Variants in NAALADL2 observed in about 807,000 individuals in gnomAD.
NAALADL2 encodes the protein inactive N-acetylated-alpha-linked acidic dipeptidase-like protein 2.
In NAALADL2, 76 loss-of-function variants were observed where a neutral mutation model predicts 87.2. The ratio of observed to expected loss-of-function variants is 0.87; its 90% CI spans 0.72 to 1.05. The LOEUF is 1.05. NAALADL2 is among the 50% of genes least tolerant of loss of function. NAALADL2 has a pLI of 0.00. For missense variants in NAALADL2, 1,089 were observed against 945.8 expected, an observed-to-expected ratio of 1.15 and a Z score of -1.99; for synonymous variants, 354 against 331.0, an observed-to-expected ratio of 1.07 and a Z score of -0.75.
At chr3:174,786,564 C>T (rs375264538) in intron 3 of NAALADL2, among the ~76,000 whole-genome samples, 35 of 151,738 alleles carry the variant, frequency 2.3e-4, no homozygotes, top group African/African-American at 8.2e-4. Context: ...ATTTCTTTTC[C>T]AGACCCTCCA....
At chr3:175,781,225 A>G (rs548372620) in intron 13 of NAALADL2, among the ~76,000 whole-genome samples, 1 of 152,304 alleles carries the variant, frequency 6.6e-6, no homozygotes, top group African/African-American at 2.4e-5. Flanking sequence ...ATTATTTTTA[A>G]TGGGATTTTG....
intron 2 of NAALADL2, among the ~76,000 whole-genome samples, chr3:175,121,055 T>A (rs754656526): frequency 4.0e-5 from 6 of 151,830 alleles, no homozygotes; most frequent in Non-Finnish European, 5.9e-5. Context: ...TATCCTACAT[T>A]CTTGTCAAAT....
intron 1 of NAALADL2, among the ~76,000 whole-genome samples, chr3:175,012,231 C>A (rs1014622619): frequency 6.6e-6 from 1 of 152,164 alleles, no homozygotes; most frequent in Admixed American, 6.6e-5. Flanking sequence ...ATGGCCCAGT[C>A]TGGGCTCACT....
chr3:175,539,429 CT>C (rs1711897108), intron 9 of NAALADL2, among the ~76,000 whole-genome samples: 1 of 152,104 alleles, frequency 6.6e-6, no homozygotes, highest in Admixed American at 6.5e-5. Flanking sequence ...GCTAAGAAAA[CT>C]GGTATTGTAC....
chr3:174,695,798 A>C (rs545921366), intron 2 of NAALADL2, among the ~76,000 whole-genome samples: 2 of 152,154 alleles, frequency 1.3e-5, no homozygotes, highest in South Asian at 4.1e-4. Flanking sequence ...ATTTGCAATA[A>C]AATTTCAGGT....
At chr3:175,300,761 T>C (rs1042771444) in intron 4 of NAALADL2, among the ~76,000 whole-genome samples, 1 of 142,334 alleles carries the variant, frequency 7.0e-6, no homozygotes, top group African/African-American at 2.7e-5. Flanking sequence ...TTATTTTTAT[T>C]TATTTATTTA....
chr3:174,672,414 G>A (rs1345662570), intron 2 of NAALADL2, among the ~76,000 whole-genome samples: 4 of 151,810 alleles, frequency 2.6e-5, no homozygotes, highest in Admixed American at 6.6e-5. Context: ...CCTATTATGG[G>A]GTCAGGCTCT....
chr3:175,395,542 G>T (rs1004570043), intron 5 of NAALADL2, among the ~76,000 whole-genome samples: 1 of 152,040 alleles, frequency 6.6e-6, no homozygotes, highest in Non-Finnish European at 1.5e-5. Context: ...ATTCCTTTAG[G>T]AATTCCAAGA....
intron 11 of NAALADL2, among the ~76,000 whole-genome samples, chr3:175,670,897 G>A (rs1363680522): frequency 6.6e-6 from 1 of 151,340 alleles, no homozygotes; most frequent in Non-Finnish European, 1.5e-5. Context: ...GTCTACTGGA[G>A]AAGTTTAATT....
chr3:175,270,820 C>T (rs1053427941), intron 4 of NAALADL2, among the ~76,000 whole-genome samples: 4 of 152,066 alleles, frequency 2.6e-5, no homozygotes. Flanking sequence ...TAAACCTCTT[C>T]CAGTATAGTA....
intron 4 of NAALADL2, among the ~76,000 whole-genome samples, chr3:175,272,288 T>C (rs999907295): frequency 6.6e-6 from 1 of 152,228 alleles, no homozygotes; most frequent in Non-Finnish European, 1.5e-5. Flanking sequence ...CAAGCATCTT[T>C]ATTTAAAAGA....
intron 5 of NAALADL2, among the ~76,000 whole-genome samples, chr3:175,375,572 T>C (rs6793407): frequency 9.2e-5 from 14 of 152,310 alleles, no homozygotes; most frequent in African/African-American, 2.9e-4. Context: ...AGTTTAAATC[T>C]CTATTAGTAT....
At chr3:175,045,816 A>G (rs975575372) in intron 1 of NAALADL2, among the ~76,000 whole-genome samples, 3 of 152,158 alleles carry the variant, frequency 2.0e-5, no homozygotes, top group Non-Finnish European at 4.4e-5. Flanking sequence ...CACTATGTGT[A>G]TCTTCTAAGG....
At chr3:174,675,049 A>G (rs560496) in intron 2 of NAALADL2, among the ~76,000 whole-genome samples, 110,053 of 151,902 alleles carry the variant, frequency 0.72, 40,092 homozygotes, top group African/African-American at 0.77. Flanking sequence ...GGTCTAACCT[A>G]ACCTTTTCTT....
rs1208423261 is a variant in NAALADL2 at position 174,893,089 on chromosome 3, A to G, written c.43+33639A>G. ...AACAATAACTTAAAGTGGACCTCCA[A>G]TATGTCTGGCAGCAGACTCTTCAGT... On this transcript the variant is annotated intron_variant, in intron 1 of 13. Transcript: ENST00000454872. Among the ~76,000 whole-genome samples, 4 of 152,314 alleles carry G rather than the reference A, an allele frequency of 2.6e-5. No individual in the cohort carries two copies. In the East Asian group the frequency reaches 7.7e-4, roughly 29 times the overall value.
chr3:175,046,620 G>A (rs1754704500), intron 1 of NAALADL2, among the ~76,000 whole-genome samples: 1 of 152,158 alleles, frequency 6.6e-6, no homozygotes, highest in Non-Finnish European at 1.5e-5. Context: ...CTCTGCGACA[G>A]CAATAAGCAT....
At chr3:175,478,275 T>C (rs570994720) in intron 9 of NAALADL2, among the ~76,000 whole-genome samples, 3 of 152,068 alleles carry the variant, frequency 2.0e-5, no homozygotes, top group African/African-American at 7.2e-5. Flanking sequence ...TAAAGACTAA[T>C]GAACTGATTT....
chr3:174,479,401 A>G (rs1342385599), intron 1 of NAALADL2, among the ~76,000 whole-genome samples: 1 of 152,150 alleles, frequency 6.6e-6, no homozygotes, highest in Non-Finnish European at 1.5e-5. Context: ...TTTTTCATAT[A>G]AGAAAACTGA....
At chr3:175,154,586 CTG>C (rs914009501) in intron 2 of NAALADL2, among the ~76,000 whole-genome samples, 2 of 151,864 alleles carry the variant, frequency 1.3e-5, no homozygotes, top group African/African-American at 4.8e-5. Context: ...TGTAAGAACA[CTG>C]TGTGTATACT....
Sources: gnomAD v4.1 joint callset for allele counts (sites outside exome capture counted in the v4.1 genomes callset) on GRCh38, gnomAD v4.1.1 for gene constraint, MANE v1.5 for transcripts, NCBI Gene and HGNC (gene_info 2026-07-23, HGNC 2026-07-21) for gene names.